Variants in ADAM12 observed in about 807,000 individuals in gnomAD.
The protein encoded by ADAM12 is disintegrin and metalloproteinase domain-containing protein 12.
Under a neutral mutation model 106.4 loss-of-function variants are expected in ADAM12, and 70 were observed. That is an observed-to-expected ratio of 0.66 (90% CI 0.54 to 0.80). The LOEUF (loss-of-function observed/expected upper bound fraction) is 0.80, where lower values mean the gene tolerates loss of function less well. Ranked by LOEUF, ADAM12 falls within the 30% of genes least tolerant of loss-of-function variation. The pLI, the probability that ADAM12 is intolerant of heterozygous loss-of-function variation, is 0.00. For synonymous variants in ADAM12, 420 were observed against 433.5 expected (o/e 0.97, Z 0.39); for missense variants, 1,010 against 1,171.9 (o/e 0.86, Z 2.02).
chr10:126,324,545 C>G (rs1197521144), intron 2 of ADAM12, among the ~76,000 whole-genome samples: 1 of 152,214 alleles, frequency 6.6e-6, no homozygotes, highest in Admixed American at 6.5e-5. Flanking sequence ...CAGGTTCTAT[C>G]TGTGCTTTAG....
chr10:126,229,225 G>C (rs1011732127), intron 3 of ADAM12, among the ~76,000 whole-genome samples: 6 of 152,126 alleles, frequency 3.9e-5, no homozygotes, highest in Non-Finnish European at 7.3e-5. Context: ...CCGGTGGAGG[G>C]AGGGGAATCT....
rs915314388 is a variant in ADAM12 at position 126,043,162 on chromosome 10, G to T, written c.1996-14C>A. The T allele has an allele frequency of 1.7e-5, 27 of 1,612,820 alleles. No individual in the cohort carries two copies. Among genetic ancestry groups the T allele is most frequent in the Non-Finnish European group, 2.3e-5 (27 of 1,179,206 alleles). Reference sequence around the variant, plus strand: ...GTTGTTGCACACCTTTCAGGGCAGAGGGGAGGGACGTGGGGTTAGGGCATA... The same window carrying T: ...GTTGTTGCACACCTTTCAGGGCAGATGGGAGGGACGTGGGGTTAGGGCATA... On this transcript the variant is annotated splice_polypyrimidine_tract_variant and intron_variant, in intron 17 of 22. Coordinates refer to ENST00000448723, the MANE Select transcript of ADAM12 (RefSeq NM_001288973.2). The surrounding 1 kb of genome is among the most constrained non-coding windows in gnomAD (Gnocchi z 4.1).
At chr10:126,032,539 A>C (rs1350674151) in intron 21 of ADAM12, among the ~76,000 whole-genome samples, 1 of 152,196 alleles carries the variant, frequency 6.6e-6, no homozygotes, top group Non-Finnish European at 1.5e-5. Context: ...TGGTGGAGAA[A>C]AAAACACCAG....
intron 3 of ADAM12, among the ~76,000 whole-genome samples, chr10:126,191,008 T>TCAGACAGAGTC (rs1957490617): frequency 7.7e-6 from 1 of 129,738 alleles, no homozygotes; most frequent in African/African-American, 3.1e-5. Context: ...TTTTTTTTTT[T>TCAGACAGAGTC]TTTTTTTTTT....
At chr10:126,045,251 C>T (rs1471101924) in intron 17 of ADAM12, among the ~76,000 whole-genome samples, 1 of 152,176 alleles carries the variant, frequency 6.6e-6, no homozygotes, top group Non-Finnish European at 1.5e-5. Flanking sequence ...CCAATGAAGA[C>T]ATAAGAAGAT....
chr10:126,361,750 T>C (rs535299853), intron 1 of ADAM12, among the ~76,000 whole-genome samples: 11 of 152,220 alleles, frequency 7.2e-5, no homozygotes, highest in African/African-American at 2.6e-4. Context: ...TAGAATGAAA[T>C]TGGACACTTA....
chr10:126,130,223 A>G (rs1956280391), intron 5 of ADAM12, among the ~76,000 whole-genome samples: 1 of 151,666 alleles, frequency 6.6e-6, no homozygotes, highest in African/African-American at 2.4e-5. Flanking sequence ...GTCTCAATCA[A>G]TTCTTCTGTC....
At chr10:126,378,273 C>T (rs960404210) in intron 1 of ADAM12, among the ~76,000 whole-genome samples, 1 of 152,146 alleles carries the variant, frequency 6.6e-6, no homozygotes, top group African/African-American at 2.4e-5. Context: ...GTGTACTCTA[C>T]AGCTTAGTAA....
At chr10:126,329,286 T>C (rs1028121482) in intron 2 of ADAM12, among the ~76,000 whole-genome samples, 9 of 152,186 alleles carry the variant, frequency 5.9e-5, no homozygotes, top group African/African-American at 1.9e-4. Context: ...ACATAATGGC[T>C]CCCAACATCC....
intron 3 of ADAM12, among the ~76,000 whole-genome samples, chr10:126,218,594 G>C (rs1958032254): frequency 1.3e-5 from 2 of 152,232 alleles, no homozygotes; most frequent in African/African-American, 4.8e-5. Flanking sequence ...GAAAGGGCCT[G>C]AGAACAGGTA....
At chr10:126,343,476 C>T (rs144269456) in intron 1 of ADAM12, among the ~76,000 whole-genome samples, 197 of 152,266 alleles carry the variant, frequency 1.3e-3, no homozygotes, top group African/African-American at 4.4e-3. Flanking sequence ...GGGAATAGTG[C>T]CGCAATAAAC....
chr10:126,207,307 A>G (rs552570946), intron 3 of ADAM12, among the ~76,000 whole-genome samples: 1 of 152,332 alleles, frequency 6.6e-6, no homozygotes, highest in Non-Finnish European at 1.5e-5. Flanking sequence ...ATGGCTCCCA[A>G]CATATTGGTA....
intron 11 of ADAM12, among the ~76,000 whole-genome samples, chr10:126,081,743 T>C (rs1321914337): frequency 6.6e-6 from 1 of 152,220 alleles, no homozygotes; most frequent in African/African-American, 2.4e-5. Context: ...GATCAAAGTC[T>C]GGTTAACTTC....
intron 2 of ADAM12, among the ~76,000 whole-genome samples, chr10:126,311,094 TACACACACACACAC>T (rs67514376): frequency 1.8e-4 from 25 of 138,570 alleles, no homozygotes; most frequent in African/African-American, 3.2e-4. Flanking sequence ...TACACACAAA[TACACACACACACAC>T]ACACACACAC....
At chr10:126,322,004 A>G (rs1854119325) in intron 2 of ADAM12, among the ~76,000 whole-genome samples, 2 of 151,856 alleles carry the variant, frequency 1.3e-5, no homozygotes, top group Non-Finnish European at 2.9e-5. Flanking sequence ...TATCTAGTCT[A>G]GGGGTTATAA....
intron 3 of ADAM12, among the ~76,000 whole-genome samples, chr10:126,251,067 C>T (rs1479359253): frequency 6.6e-6 from 1 of 152,176 alleles, no homozygotes. Flanking sequence ...CTCTGCCTCT[C>T]TCACTGGCTC....
intron 5 of ADAM12, among the ~76,000 whole-genome samples, chr10:126,129,593 A>G (rs1005289247): frequency 4.6e-5 from 7 of 152,222 alleles, no homozygotes; most frequent in Non-Finnish European, 1.0e-4. Context: ...CCACCAGAGC[A>G]AATTGGGAAC....
intron 3 of ADAM12, among the ~76,000 whole-genome samples, 199 bp downstream of exon 3, chr10:126,278,716 T>C (rs1590723447): frequency 6.6e-6 from 1 of 152,194 alleles, no homozygotes; most frequent in African/African-American, 2.4e-5. Context: ...GTTATAAAGT[T>C]CCTTAATAGA....
chr10:126,264,010 G>T (rs1485857277), intron 3 of ADAM12, among the ~76,000 whole-genome samples: 1 of 151,990 alleles, frequency 6.6e-6, no homozygotes, highest in African/African-American at 2.4e-5. Flanking sequence ...TGAATTGTAG[G>T]GCTAGTATTT....
Sources: allele counts gnomAD v4.1 joint callset (sites outside exome capture counted in the v4.1 genomes callset), GRCh38; gene constraint gnomAD v4.1.1; non-coding constraint Gnocchi (gnomAD v3.1); transcripts MANE v1.5; gene names NCBI Gene and HGNC (gene_info 2026-07-23, HGNC 2026-07-21).